The following KIAA0319 variants were observed in gnomAD, a reference collection of about 807,000 sequenced individuals.
KIAA0319 encodes dyslexia-associated protein KIAA0319.
Under a neutral mutation model 108.4 loss-of-function variants are expected in KIAA0319, and 83 were observed. The ratio of observed to expected loss-of-function variants is 0.77; its 90% CI spans 0.64 to 0.92. The LOEUF is 0.92. KIAA0319 is among the 40% of genes least tolerant of loss of function. The pLI is 0.00. For synonymous variants in KIAA0319, 484 were observed against 510.4 expected, an observed-to-expected ratio of 0.95 and a Z score of 0.70; for missense variants, 1,195 against 1,322.4, an observed-to-expected ratio of 0.90 and a Z score of 1.49.
intron 1 of KIAA0319, among the ~76,000 whole-genome samples, chr6:24,619,761 G>A (rs116623614): frequency 0.012 from 1,850 of 152,300 alleles, 35 homozygotes; most frequent in African/African-American, 0.042. Context: ...CTAGTCACAT[G>A]CATCTGCAGA....
At position 24,579,895 on chromosome 6, in the gene KIAA0319, G is replaced by C; in HGVS notation, c.1335C>G (p.Leu445=). The C allele has an allele frequency of 1.2e-6, 2 of 1,604,574 alleles. No individual in the cohort carries two copies. Among genetic ancestry groups the C allele is most frequent in the Non-Finnish European group, 1.7e-6 (2 of 1,175,112 alleles). ...TGAGGGCTGACGTCAAAGGCAAAGT[G>C]AGCTCTTGCAGTTGGGGAGAAACAA... ...VAVVSPQLQE[L]TLPLTSALID... Residue 445 remains leucine (L), a synonymous_variant, in exon 8 of 21, where the codon CTC becomes CTG. Transcript: ENST00000378214.
intron 18 of KIAA0319, among the ~76,000 whole-genome samples, chr6:24,555,948 A>C (rs545022558): frequency 6.6e-6 from 1 of 152,214 alleles, no homozygotes; most frequent in East Asian, 1.9e-4. Flanking sequence ...TAGTGAGCCA[A>C]TTCTGCTCTG....
intron 3 of KIAA0319, among the ~76,000 whole-genome samples, chr6:24,592,833 T>C (rs139170096): frequency 0.028 from 4,215 of 152,140 alleles, 159 homozygotes; most frequent in African/African-American, 0.091. Flanking sequence ...TAGCCGGGTG[T>C]GGTGGCACAT....
chr6:24,606,400 C>G (rs148088086), intron 1 of KIAA0319, among the ~76,000 whole-genome samples: 73 of 152,210 alleles, frequency 4.8e-4, no homozygotes, highest in African/African-American at 1.7e-3. Flanking sequence ...ATCACTGATT[C>G]AGAGATGGGG....
Position 24,555,073 on chromosome 6 carries a change from G to A in KIAA0319, c.2858-442C>T, listed in dbSNP as rs115697400. On this transcript the variant is annotated intron_variant, in intron 18 of 20. Transcript: ENST00000378214. ...TTTATGGCATGAAGACATTTTTCAC[G>A]GCCAGAGAGCAATTCAGAAACTACT... is the stretch of plus-strand genomic sequence containing the variant. 3.4e-3 allele frequency among the ~76,000 whole-genome samples: 517 copies of A among 152,136 alleles called. 2 individuals are homozygous for A. Among genetic ancestry groups the A allele is most frequent in the African/African-American group, 0.011 (470 of 41,500 alleles).
chr6:24,586,046 G>A (rs184590409), intron 4 of KIAA0319, among the ~76,000 whole-genome samples: 1 of 152,032 alleles, frequency 6.6e-6, no homozygotes, highest in Non-Finnish European at 1.5e-5. Flanking sequence ...CCAAGGTCAC[G>A]CCACTGCACT....
At chr6:24,619,622 A>G (rs1247083018) in intron 1 of KIAA0319, among the ~76,000 whole-genome samples, 1 of 152,134 alleles carries the variant, frequency 6.6e-6, no homozygotes, top group Non-Finnish European at 1.5e-5. Context: ...ACTGGTTAAC[A>G]CCACCAAGAG....
chr6:24,623,710 G>C (rs1774283896), intron 1 of KIAA0319, among the ~76,000 whole-genome samples: 1 of 152,170 alleles, frequency 6.6e-6, no homozygotes, highest in South Asian at 2.1e-4. Flanking sequence ...TCCAGCGTTT[G>C]ATAGCAAAGT....
At chr6:24,602,591 G>C (rs1770798043) in intron 1 of KIAA0319, among the ~76,000 whole-genome samples, 1 of 152,134 alleles carries the variant, frequency 6.6e-6, no homozygotes. Context: ...ACGAGGTCAG[G>C]AGATCGAGAC....
In KIAA0319 at chr6:24,588,708, G is replaced by A; in HGVS notation, c.879C>T (p.Leu293=). ...SSVTVEKSPV[L]TVTPGSTEHS... ...GCTCTGTACTCCCCGGGGTGACTGTGAGCACTGGGCTTTTCTCCACGGTGA... is the reference window on the plus strand; with the variant it reads ...GCTCTGTACTCCCCGGGGTGACTGTAAGCACTGGGCTTTTCTCCACGGTGA... The change falls in exon 4 of 21, where the codon CTC becomes CTT. Residue 293 remains leucine, a synonymous_variant. Transcript: ENST00000378214. The A allele has an allele frequency of 6.2e-7, 1 of 1,613,980 alleles. No individual in the cohort carries two copies. Among genetic ancestry groups the A allele is most frequent in the Non-Finnish European group, 8.5e-7 (1 of 1,179,992 alleles).
rs992049170 is a variant in KIAA0319, at chr6:24,601,177, T to C, written c.-74A>G. ...AGAGTTTGGTGCAAGCTTCCTTTGA[T>C]GTTTTTTAGGAGCCAGATTTGGCCT... On this transcript the variant is annotated 5_prime_UTR_variant, in exon 2 of 21. Coordinates refer to ENST00000378214, the MANE Select transcript of KIAA0319 (RefSeq NM_014809.4). 3.2e-6 allele frequency: 5 copies of C among 1,580,584 alleles called. No homozygotes were observed. Among genetic ancestry groups the C allele is most frequent in the African/African-American group, 1.4e-5 (1 of 73,614 alleles).
At chr6:24,589,542 G>C (rs796494598) in intron 3 of KIAA0319, among the ~76,000 whole-genome samples, 2 of 103,328 alleles carry the variant, frequency 1.9e-5, no homozygotes, top group South Asian at 5.2e-4. Context: ...TCTCGTGATA[G>C]TGAGTGAGTT....
At chr6:24,630,787 CTTCA>C (rs1225954290) in intron 1 of KIAA0319, among the ~76,000 whole-genome samples, 12 of 150,866 alleles carry the variant, frequency 8.0e-5, no homozygotes, top group Non-Finnish European at 1.3e-4. Context: ...AAAAATTATC[CTTCA>C]TTGTTATATT....
At chr6:24,540,645 T>C (rs1003719450), downstream of KIAA0319, among the ~76,000 whole-genome samples, 1 of 42,060 alleles carries the variant, frequency 2.4e-5, no homozygotes, top group Non-Finnish European at 7.3e-5. Context: ...ATGGTGACTT[T>C]GTTTCTTTTT....
In KIAA0319 at chr6:24,599,454, G is replaced by A. The variant is rs1582155823; in HGVS notation, c.55+1595C>T. ...CCTGCAGTGGGCCATGCAGGACATGGCATGGCAGCTGCATGAGTACCAGGA... is the reference window on the plus strand; with the variant it reads ...CCTGCAGTGGGCCATGCAGGACATGACATGGCAGCTGCATGAGTACCAGGA... On this transcript the variant is annotated intron_variant, in intron 2 of 20. Transcript: ENST00000378214. The surrounding 1 kb of genome is among the most constrained non-coding windows in gnomAD (Gnocchi z 4.1). 1 of 554,046 alleles carries A rather than the reference G, an allele frequency of 1.8e-6. No individual in the cohort carries two copies. Among genetic ancestry groups the A allele is most frequent in the Admixed American group, 2.0e-5 (1 of 49,066 alleles). The allele number at this position is 554,046 out of a possible 1,614,324, so 34.3% of individuals were successfully genotyped here.
At chr6:24,621,561 C>A (rs1361382093) in intron 1 of KIAA0319, among the ~76,000 whole-genome samples, 14 of 152,110 alleles carry the variant, frequency 9.2e-5, no homozygotes, top group Non-Finnish European at 1.9e-4. Context: ...CTTTCTAGTT[C>A]AATATGGCAG....
At chr6:24,577,925 A>G (rs1765782934) in intron 9 of KIAA0319, among the ~76,000 whole-genome samples, 185 bp downstream of exon 9, 2 of 152,184 alleles carry the variant, frequency 1.3e-5, no homozygotes, top group Non-Finnish European at 2.9e-5. Flanking sequence ...TACTCCAATA[A>G]ATAAATAAAG....
At chr6:24,624,061 A>G (rs1460290385) in intron 1 of KIAA0319, among the ~76,000 whole-genome samples, 1 of 115,018 alleles carries the variant, frequency 8.7e-6, no homozygotes, top group African/African-American at 3.5e-5. Context: ...GTCTCACTCT[A>G]TCACGCAGGC....
intron 1 of KIAA0319, among the ~76,000 whole-genome samples, chr6:24,621,287 T>G (rs1773894367): frequency 6.6e-6 from 1 of 152,230 alleles, no homozygotes; most frequent in African/African-American, 2.4e-5. Context: ...CTTATGGTTC[T>G]CTACTCATAG....
Sources: allele counts gnomAD v4.1 joint callset (sites outside exome capture counted in the v4.1 genomes callset), GRCh38; gene constraint gnomAD v4.1.1; non-coding constraint Gnocchi (gnomAD v3.1); transcripts MANE v1.5; gene names NCBI Gene and HGNC (gene_info 2026-07-23, HGNC 2026-07-21).